NR3C2: variants seen among roughly 807,000 people sequenced by gnomAD.
The protein encoded by NR3C2 is nuclear receptor subfamily 3 group C member 2, also known as mineralocorticoid receptor.
NR3C2 carries 15 observed loss-of-function variants against 86.4 expected under a neutral mutation model. The ratio of observed to expected loss-of-function variants is 0.17; its 90% CI spans 0.12 to 0.27. The LOEUF is 0.27. NR3C2 is among the 10% of genes least tolerant of loss of function. The probability of loss-of-function intolerance (pLI) is 1.00; values close to 1 mark genes in which losing one functional copy is unlikely to be tolerated. For synonymous variants in NR3C2, 458 were observed against 450.5 expected, an observed-to-expected ratio of 1.02 and a Z score of -0.21; for missense variants, 960 against 1,195.6, an observed-to-expected ratio of 0.80 and a Z score of 2.91.
intron 3 of NR3C2, among the ~76,000 whole-genome samples, chr4:148,229,921 A>G (rs1301386500): frequency 6.6e-6 from 1 of 152,104 alleles, no homozygotes; most frequent in Non-Finnish European, 1.5e-5. Context: ...ACTTATGTCC[A>G]GGGTGCTAAC....
At chr4:148,372,372 C>T (rs187402522) in intron 2 of NR3C2, among the ~76,000 whole-genome samples, 62 of 152,112 alleles carry the variant, frequency 4.1e-4, no homozygotes, top group African/African-American at 1.5e-3. Context: ...CCCAGTTAAT[C>T]TTCTCTTCAC....
intron 2 of NR3C2, among the ~76,000 whole-genome samples, chr4:148,430,756 T>C (rs983808740): frequency 2.0e-5 from 3 of 152,170 alleles, no homozygotes; most frequent in African/African-American, 7.2e-5. Flanking sequence ...ACTGTTTATA[T>C]TGAAAGTTTA....
chr4:148,301,981 T>C (rs541261978), intron 2 of NR3C2, among the ~76,000 whole-genome samples: 1 of 152,234 alleles, frequency 6.6e-6, no homozygotes, highest in Admixed American at 6.5e-5. Flanking sequence ...GTATATGCTA[T>C]CAATCACAAT....
intron 2 of NR3C2, among the ~76,000 whole-genome samples, chr4:148,363,759 T>C (rs902341297): frequency 6.6e-6 from 1 of 152,110 alleles, no homozygotes; most frequent in East Asian, 1.9e-4. Flanking sequence ...CGCCTTGGCC[T>C]CCCAAAGTGC....
chr4:148,136,825 T>G (rs867821913), intron 6 of NR3C2, among the ~76,000 whole-genome samples: 1 of 152,152 alleles, frequency 6.6e-6, no homozygotes, highest in African/African-American at 2.4e-5. Context: ...ACACCTGTCA[T>G]CCGTCATTTG....
At chr4:148,402,703 T>A (rs1217255092) in intron 2 of NR3C2, among the ~76,000 whole-genome samples, 1 of 152,198 alleles carries the variant, frequency 6.6e-6, no homozygotes, top group Non-Finnish European at 1.5e-5. Flanking sequence ...ATGTAGCAAA[T>A]GATAGGCATT....
chr4:148,367,324 C>T (rs1041093113), intron 2 of NR3C2, among the ~76,000 whole-genome samples: 18 of 152,086 alleles, frequency 1.2e-4, no homozygotes, highest in South Asian at 2.1e-4. Context: ...TTTTGGCATA[C>T]GATAATTGCT....
intron 2 of NR3C2, among the ~76,000 whole-genome samples, chr4:148,338,035 T>C (rs150254040): frequency 3.3e-5 from 5 of 152,300 alleles, no homozygotes; most frequent in East Asian, 3.9e-4. Flanking sequence ...ATTTGTAGCA[T>C]TGGGATTAAA....
intron 3 of NR3C2, among the ~76,000 whole-genome samples, chr4:148,200,806 T>G (rs1736681965): frequency 6.6e-6 from 1 of 152,234 alleles, no homozygotes; most frequent in Admixed American, 6.5e-5. Context: ...TCATTATTAC[T>G]ATTATCATGT....
At chr4:148,096,839 T>C (rs1220286666) in intron 8 of NR3C2, among the ~76,000 whole-genome samples, 3 of 152,222 alleles carry the variant, frequency 2.0e-5, no homozygotes, top group Admixed American at 6.5e-5. Context: ...GTAACCAAGA[T>C]TGTGTGGCCC....
At chr4:148,100,096 A>C (rs1178862590) in intron 8 of NR3C2, among the ~76,000 whole-genome samples, 1 of 152,214 alleles carries the variant, frequency 6.6e-6, no homozygotes, top group Non-Finnish European at 1.5e-5. Context: ...GTGAAATATC[A>C]ATGATGAAGC....
intron 3 of NR3C2, among the ~76,000 whole-genome samples, chr4:148,219,825 A>C (rs939202974): frequency 8.5e-5 from 13 of 152,240 alleles, no homozygotes; most frequent in African/African-American, 2.7e-4. Context: ...GTTATTTTTA[A>C]AGGAATTAAC....
chr4:148,209,372 T>C (rs564500445), intron 3 of NR3C2, among the ~76,000 whole-genome samples: 118 of 152,278 alleles, frequency 7.7e-4, no homozygotes, highest in Non-Finnish European at 1.4e-3. Context: ...CTCAACCTTC[T>C]GGGCTCAAGC....
intron 8 of NR3C2, among the ~76,000 whole-genome samples, chr4:148,106,243 T>C (rs1366225585): frequency 1.3e-5 from 2 of 152,170 alleles, no homozygotes; most frequent in African/African-American, 4.8e-5. Flanking sequence ...AGCCAAATCA[T>C]GAATGAACTC....
At chr4:148,339,528 T>C (rs1438949329) in intron 2 of NR3C2, among the ~76,000 whole-genome samples, 1 of 152,186 alleles carries the variant, frequency 6.6e-6, no homozygotes, top group African/African-American at 2.4e-5. Flanking sequence ...TATAAAACAT[T>C]AGTAATGTTT....
At chr4:148,095,792 G>A (rs1380382314) in intron 8 of NR3C2, among the ~76,000 whole-genome samples, 2 of 152,190 alleles carry the variant, frequency 1.3e-5, no homozygotes, top group Admixed American at 1.3e-4. Context: ...GGCTGGCTGG[G>A]ATGGGAGGGT....
chr4:148,115,203 T>G (rs1446777884), intron 7 of NR3C2, among the ~76,000 whole-genome samples: 1 of 152,188 alleles, frequency 6.6e-6, no homozygotes, highest in East Asian at 1.9e-4. Flanking sequence ...TTTAAAAAAA[T>G]TCACTTAAAA....
intron 2 of NR3C2, among the ~76,000 whole-genome samples, chr4:148,346,837 C>T (rs1305345122): frequency 6.6e-6 from 1 of 152,010 alleles, no homozygotes; most frequent in African/African-American, 2.4e-5. Flanking sequence ...TGCATTATGA[C>T]TCACATTCTA....
intron 3 of NR3C2, among the ~76,000 whole-genome samples, chr4:148,253,735 C>T (rs555116606): frequency 1.6e-4 from 24 of 152,158 alleles, no homozygotes; most frequent in Non-Finnish European, 3.2e-4. Flanking sequence ...TGGTTTTTTT[C>T]CCCCATAGCC....
Sources: allele counts gnomAD v4.1 joint callset (sites outside exome capture counted in the v4.1 genomes callset), GRCh38; gene constraint gnomAD v4.1.1; transcripts MANE v1.5; gene names NCBI Gene and HGNC (gene_info 2026-07-23, HGNC 2026-07-21).